The following NDOR1 variants were observed in gnomAD, a reference collection of about 807,000 sequenced individuals.
NDOR1 encodes NADPH dependent diflavin oxidoreductase 1, also known as NADPH-dependent diflavin oxidoreductase 1.
A neutral mutation model predicts 67.2 loss-of-function variants in NDOR1; 61 were observed. That is an observed-to-expected ratio of 0.91 (90% CI 0.74 to 1.12). The LOEUF (loss-of-function observed/expected upper bound fraction) is 1.12. NDOR1 is among the 50% of genes most tolerant of loss of function. The pLI, the probability that NDOR1 is intolerant of heterozygous loss-of-function variation, is 0.00. For missense variants in NDOR1, 878 were observed against 802.8 expected, an observed-to-expected ratio of 1.09 and a Z score of -1.13; for synonymous variants, 378 against 343.7, an observed-to-expected ratio of 1.10 and a Z score of -1.10.
intron 7 of NDOR1, 51 bp downstream of exon 7, chr9:137,214,742 G>T (rs1363175060): frequency 5.0e-6 from 8 of 1,596,686 alleles, no homozygotes; most frequent in Middle Eastern, 1.7e-4. Flanking sequence ...CGTGCCCTGG[G>T]CCCCCACCCC....
chr9:137,209,769 G>T (rs1835159610), intron 2 of NDOR1, among the ~76,000 whole-genome samples: 1 of 152,380 alleles, frequency 6.6e-6, no homozygotes, highest in Admixed American at 6.5e-5. Context: ...GAAAGGCCAA[G>T]TGACCAGGTC....
chr9:137,215,376 T>G, intron 9 of NDOR1, 31 bp from the exon 10 acceptor site: 1 of 1,598,302 alleles, frequency 6.3e-7, no homozygotes, highest in Non-Finnish European at 8.6e-7. Context: ...GCAGCCTTGT[T>G]CCACCACCCC....
intron 5 of NDOR1, 64 bp downstream of exon 5, chr9:137,214,132 C>T (rs1458749554): frequency 1.2e-5 from 18 of 1,535,082 alleles, no homozygotes; most frequent in Admixed American, 3.9e-5. Context: ...GGACCTCGCC[C>T]TGGGTCCCTC....
chr9:137,218,971 G>A lies in NDOR1; in HGVS notation c.*2555G>A, dbSNP rs954129545. On this transcript the variant is annotated 3_prime_UTR_variant, in exon 14 of 14. Transcript: ENST00000684003. ...CTGACGCCGGCCACACTTCCCCTCC[G>A]AGGGCCAGCTGAGCACAGCAGGCAT... is the stretch of plus-strand genomic sequence containing the variant. 2.6e-5 allele frequency: 6 copies of A among 229,758 alleles called. No homozygotes were observed. Among genetic ancestry groups the A allele is most frequent in the East Asian group, 8.5e-5 (1 of 11,736 alleles). 14.2% of individuals were successfully genotyped at this position (229,758 alleles called of 1,614,324 possible). A position where few individuals can be genotyped will look rare whatever the true frequency, so the allele number is the denominator to read the frequency against.
At position 137,216,577 on chromosome 9, in the gene NDOR1, C is replaced by A; in HGVS notation, c.*161C>A. On this transcript the variant is annotated 3_prime_UTR_variant, in exon 14 of 14. Coordinates refer to ENST00000684003, the MANE Select transcript of NDOR1 (RefSeq NM_014434.4). ...GAGCACAGCCGCACTCCTGTTGACC[C>A]TGGATCCCACCCTTTGAGCCTGACC... 1 of 939,562 alleles carries A rather than the reference C, an allele frequency of 1.1e-6. No individual in the cohort carries two copies. The highest frequency in any genetic ancestry group is 2.9e-5 in the Admixed American group (1 of 34,962). 58.2% of individuals were successfully genotyped at this position (939,562 alleles called of 1,614,324 possible).
rs1835700119 is a variant in NDOR1, at chr9:137,217,819, G to T, written c.*1403G>T. 2.5e-6 allele frequency: 1 copy of T among 397,500 alleles called. No homozygotes were observed. Among genetic ancestry groups the T allele is most frequent in the African/African-American group, 2.1e-5 (1 of 48,548 alleles). The allele number at this position is 397,500 out of a possible 1,614,324, so 24.6% of individuals were successfully genotyped here. ...CCACCACCCCTGAACTGTGCCCTGGGGCCCCCACCCTCCACCTGGCCGACT... is the reference window on the plus strand; with the variant it reads ...CCACCACCCCTGAACTGTGCCCTGGTGCCCCCACCCTCCACCTGGCCGACT... On this transcript the variant is annotated 3_prime_UTR_variant, in exon 14 of 14. Coordinates refer to ENST00000684003, the MANE Select transcript of NDOR1 (RefSeq NM_014434.4).
In NDOR1 at chr9:137,205,862, C is replaced by G; in HGVS notation, c.85C>G (p.Arg29Gly). 1.2e-6 allele frequency: 2 copies of G among 1,601,154 alleles called. No homozygotes were observed. Among genetic ancestry groups the G allele is most frequent in the East Asian group, 4.5e-5 (2 of 44,820 alleles). Residue 29 changes from arginine (R) to glycine (G), a missense_variant, in exon 1 of 14, where the codon CGG (arginine) becomes GGG (glycine). By Grantham distance (125) the Arg-to-Gly change is moderately radical. Coordinates refer to ENST00000684003, the MANE Select transcript of NDOR1 (RefSeq NM_014434.4). ...DVSERLGREA[R>G]RRRLGCRVQA... ...GTCGGAGAGACTGGGTCGCGAGGCC[C>G]GGCGCCGGCGGCTTGGCTGCCGGGT...
chr9:137,216,012 G>A lies in NDOR1; in HGVS notation c.1549G>A (p.Glu517Lys). The A allele has an allele frequency of 6.2e-7, 1 of 1,613,562 alleles. No homozygotes were observed. Among genetic ancestry groups the A allele is most frequent in the Non-Finnish European group, 8.5e-7 (1 of 1,180,020 alleles). ...GACCCTCATCCCTGCCTTCTCCCGG[G>A]AACAGGTGTGTATGCTCAGGGGCTG... ...CLTLIPAFSR[E>K]QEQKVYVQHR... Residue 517 changes from glutamate (E) to lysine (K), a missense_variant, in exon 12 of 14, where the codon GAA becomes AAA. Coordinates refer to ENST00000684003, the MANE Select transcript of NDOR1 (RefSeq NM_014434.4).
intron 9 of NDOR1, 52 bp downstream of exon 9, chr9:137,215,254 C>T (rs755947435): frequency 1.1e-5 from 17 of 1,577,580 alleles, no homozygotes; most frequent in Admixed American, 3.5e-5. Context: ...AAGCTGGGAC[C>T]GGGGCTGTGG....
In NDOR1 at chr9:137,214,190, G is replaced by T; in HGVS notation, c.513-14G>T. The T allele has an allele frequency of 1.2e-6, 2 of 1,604,530 alleles. No homozygotes were observed. Among genetic ancestry groups the T allele is most frequent in the South Asian group, 1.1e-5 (1 of 90,406 alleles). On this transcript the variant is annotated splice_polypyrimidine_tract_variant and intron_variant, in intron 5 of 13. Transcript: ENST00000684003. ...GGGAGTGGGTCCTGGTCTGACCAGC[G>T]TGCCCTCCCACAGCCTGCCCTCCAA...
rs1213409445 is a variant in NDOR1 at position 137,217,340 on chromosome 9, T to A, written c.*924T>A. On this transcript the variant is annotated 3_prime_UTR_variant, in exon 14 of 14. Transcript: ENST00000684003. ...CCAGGACTGCGTTCTGGGCAGGTGC[T>A]GGGAAGGCGGAACCAAGCCGTCCGT... 1 of 152,412 alleles carries A rather than the reference T, an allele frequency of 6.6e-6. No individual in the cohort carries two copies. Among genetic ancestry groups the A allele is most frequent in the African/African-American group, 2.4e-5 (1 of 41,426 alleles). The allele number at this position is 152,412 out of a possible 1,614,324, so 9.4% of individuals were successfully genotyped here.
chr9:137,208,415 C>T (rs1835084551), intron 2 of NDOR1, among the ~76,000 whole-genome samples: 1 of 152,030 alleles, frequency 6.6e-6, no homozygotes, highest in Admixed American at 6.5e-5. Flanking sequence ...CGCGCCACTG[C>T]ACTCCAGCCT....
chr9:137,206,349 C>A (rs1695785359), intron 2 of NDOR1, 40 bp downstream of exon 2: 1 of 1,598,594 alleles, frequency 6.3e-7, no homozygotes, highest in African/African-American at 1.3e-5. Flanking sequence ...TCCCTGCCCT[C>A]GACCCTCACC....
At chr9:137,206,516 C>T (rs1485489305) in intron 2 of NDOR1, among the ~76,000 whole-genome samples, 2 of 152,188 alleles carry the variant, frequency 1.3e-5, no homozygotes, top group Non-Finnish European at 2.9e-5. Context: ...CCTTATTATC[C>T]GTTTTAACCT....
At chr9:137,215,294 C>G (rs1373304472) in intron 9 of NDOR1, 92 bp downstream of exon 9, 22 of 1,535,406 alleles carry the variant, frequency 1.4e-5, no homozygotes, top group Non-Finnish European at 2.0e-5. Context: ...GCCCTCTGAC[C>G]AGGTGACGTT....
In NDOR1 at chr9:137,212,138, C is replaced by G. The variant is rs1835291279; in HGVS notation, c.214-364C>G. Reference sequence around the variant, plus strand: ...AAATGACAGGTGGAGGTGAGGGACCCCTGGGGCGGTGGACAGTTTGGAGAC... The same window carrying G: ...AAATGACAGGTGGAGGTGAGGGACCGCTGGGGCGGTGGACAGTTTGGAGAC... On this transcript the variant is annotated intron_variant, in intron 2 of 13. Transcript: ENST00000684003. The surrounding 1 kb of genome is among the most constrained non-coding windows in gnomAD (Gnocchi z 4.3). 6.6e-6 allele frequency among the ~76,000 whole-genome samples: 1 copy of G among 152,066 alleles called. No individual in the cohort carries two copies. Among genetic ancestry groups the G allele is most frequent in the South Asian group, 2.1e-4 (1 of 4,822 alleles).
rs1466173108 is a variant in NDOR1, at chr9:137,216,668, C to T, written c.*252C>T. ...CCTGACAGTGAGCTGTGTCCTCGTC[C>T]CCCCACCCCCTTCCCAGTCAAGGTG... On this transcript the variant is annotated 3_prime_UTR_variant, in exon 14 of 14. Coordinates refer to ENST00000684003, the MANE Select transcript of NDOR1 (RefSeq NM_014434.4). 1.8e-6 allele frequency: 1 copy of T among 549,782 alleles called. No homozygotes were observed. The highest frequency in any genetic ancestry group is 3.3e-6 in the Non-Finnish European group (1 of 307,238). The allele number at this position is 549,782 out of a possible 1,614,324, so 34.1% of individuals were successfully genotyped here. A position where few individuals can be genotyped will look rare whatever the true frequency, so the allele number is the denominator to read the frequency against.
At position 137,215,391 on chromosome 9, in the gene NDOR1, C is replaced by T; in HGVS notation, c.1174-16C>T. 6.3e-7 allele frequency: 1 copy of T among 1,597,528 alleles called. No individual in the cohort carries two copies. On this transcript the variant is annotated splice_polypyrimidine_tract_variant and intron_variant, in intron 9 of 13. Transcript: ENST00000684003. ...GCAGCCTTGTTCCACCACCCCCACC[C>T]CGCCGTCCTCCCCAGACTCACCCCT...
At position 137,212,658 on chromosome 9, in the gene NDOR1, G is replaced by T; in HGVS notation, c.311+59G>T. The stretch of plus-strand genomic sequence containing the variant: ...CAGTTCTGGGGGTCGAGCAACAGGT[G>T]TGCTGGCAGAGGACCGAGACCAGCT... On this transcript the variant is annotated intron_variant, in intron 3 of 13. Transcript: ENST00000684003. The surrounding 1 kb of genome is among the most constrained non-coding windows in gnomAD (Gnocchi z 4.3). 8 of 1,500,984 alleles carry T rather than the reference G, an allele frequency of 5.3e-6. No homozygotes were observed. Among genetic ancestry groups the T allele is most frequent in the Non-Finnish European group, 5.6e-6 (6 of 1,078,182 alleles). 93.0% of individuals were successfully genotyped at this position (1,500,984 alleles called of 1,614,324 possible).
Sources: allele counts gnomAD v4.1 joint callset (sites outside exome capture counted in the v4.1 genomes callset), GRCh38; gene constraint gnomAD v4.1.1; non-coding constraint Gnocchi (gnomAD v3.1); transcripts MANE v1.5; gene names NCBI Gene and HGNC (gene_info 2026-07-23, HGNC 2026-07-21).